The following NLGN1 variants were observed in gnomAD, a reference collection of about 807,000 sequenced individuals.
NLGN1 encodes the protein neuroligin 1, also known as neuroligin-1.
NLGN1 carries 12 observed loss-of-function variants against 65.5 expected under a neutral mutation model. The ratio of observed to expected loss-of-function variants is 0.18; its 90% confidence interval spans 0.12 to 0.30. NLGN1 has a LOEUF of 0.30. NLGN1 is among the 10% of genes least tolerant of loss of function. The pLI is 1.00. For synonymous variants in NLGN1, 350 were observed against 359.5 expected (o/e 0.97, Z 0.30); for missense variants, 750 against 1,007.1 (o/e 0.74, Z 3.46).
At chr3:174,105,725 A>ATCTATATGTAGATATAGATATCTC (rs1370166682) in intron 4 of NLGN1, among the ~76,000 whole-genome samples, 1 of 152,036 alleles carries the variant, frequency 6.6e-6, no homozygotes, top group African/African-American at 2.4e-5. Context: ...AGATATATAT[A>ATCTATATGTAGATATAGATATCTC]TATCTTACTC....
intron 2 of NLGN1, among the ~76,000 whole-genome samples, chr3:173,511,479 T>C (rs768346035): frequency 1.3e-5 from 2 of 152,222 alleles, no homozygotes; most frequent in African/African-American, 2.4e-5. Flanking sequence ...TTTTATCCTG[T>C]TGGGTGTTCC....
chr3:173,669,223 G>T (rs937813553), intron 3 of NLGN1, among the ~76,000 whole-genome samples: 2 of 152,112 alleles, frequency 1.3e-5, no homozygotes, highest in Non-Finnish European at 2.9e-5. Context: ...ACATTTATTG[G>T]GTGTGTAGAG....
At chr3:173,789,165 C>T (rs1712035626) in intron 3 of NLGN1, among the ~76,000 whole-genome samples, 2 of 150,796 alleles carry the variant, frequency 1.3e-5, no homozygotes, top group African/African-American at 2.4e-5. Context: ...CGCCACTGCA[C>T]TCTAGCCTGG....
chr3:174,034,191 A>G (rs553769337), intron 4 of NLGN1, among the ~76,000 whole-genome samples: 10 of 152,274 alleles, frequency 6.6e-5, no homozygotes, highest in African/African-American at 1.4e-4. Context: ...GAAAAACCTC[A>G]TAAATCTGAA....
At chr3:173,723,585 T>C (rs1170945439) in intron 3 of NLGN1, among the ~76,000 whole-genome samples, 1 of 152,162 alleles carries the variant, frequency 6.6e-6, no homozygotes, top group East Asian at 1.9e-4. Context: ...AGTTTGTTCA[T>C]ATACAAGCAA....
At chr3:174,235,048 CA>C (rs1741461824) in intron 4 of NLGN1, among the ~76,000 whole-genome samples, 1 of 91,588 alleles carries the variant, frequency 1.1e-5, no homozygotes, top group Admixed American at 1.4e-4. Context: ...TAGTGACAGC[CA>C]GTTTTTTTTA....
chr3:173,411,470 C>A (rs139301118), intron 1 of NLGN1, among the ~76,000 whole-genome samples: 29 of 152,116 alleles, frequency 1.9e-4, no homozygotes, highest in African/African-American at 5.8e-4. Context: ...CTATGTAGGC[C>A]CCAGGTCAAG....
At chr3:173,995,827 C>G (rs1445643018) in intron 4 of NLGN1, among the ~76,000 whole-genome samples, 1 of 151,718 alleles carries the variant, frequency 6.6e-6, no homozygotes, top group African/African-American at 2.4e-5. Context: ...TCTGGGACTC[C>G]CGGTGCACAT....
At chr3:174,258,116 A>G (rs1196928786) in intron 4 of NLGN1, among the ~76,000 whole-genome samples, 1 of 152,028 alleles carries the variant, frequency 6.6e-6, no homozygotes, top group African/African-American at 2.4e-5. Context: ...GTTTCTTGTA[A>G]AATTGCTGTA....
intron 3 of NLGN1, among the ~76,000 whole-genome samples, chr3:173,734,722 C>G (rs1773464718): frequency 1.3e-5 from 2 of 152,016 alleles, no homozygotes; most frequent in African/African-American, 4.8e-5. Context: ...TCACTAGTAA[C>G]AAGCAATCTG....
rs558119939 is a variant in NLGN1 at position 173,802,901 on chromosome 3, G to T, written c.494-4779G>T. 3.3e-5 allele frequency among the ~76,000 whole-genome samples: 5 copies of T among 151,268 alleles called. 1 individual carries two copies. The South Asian group carries it at 1.0e-3, about 32-fold the overall frequency. On this transcript the variant is annotated intron_variant, in intron 3 of 6. Coordinates refer to ENST00000457714, the Ensembl canonical transcript of NLGN1. ...GTCATGGAGACTGGAGGGCAGTGGC[G>T]TGATCTTGGCTCACTGCAACCTCCG...
chr3:173,426,926 G>A (rs2148721065), intron 1 of NLGN1, among the ~76,000 whole-genome samples: 1 of 152,070 alleles, frequency 6.6e-6, no homozygotes, highest in Non-Finnish European at 1.5e-5. Context: ...TAAAAGTTTG[G>A]TAAAACTTAG....
chr3:173,958,878 G>T (rs961522653), intron 4 of NLGN1, among the ~76,000 whole-genome samples: 1 of 152,216 alleles, frequency 6.6e-6, no homozygotes, highest in African/African-American at 2.4e-5. Flanking sequence ...TCTGGAGGGG[G>T]CCTAGGCAGC....
intron 2 of NLGN1, among the ~76,000 whole-genome samples, chr3:173,458,955 G>A (rs772597992): frequency 2.6e-5 from 4 of 151,982 alleles, no homozygotes; most frequent in Non-Finnish European, 5.9e-5. Flanking sequence ...ACTAGCAGAC[G>A]CCACTAGAGT....
intron 3 of NLGN1, among the ~76,000 whole-genome samples, chr3:173,688,494 C>T (rs1278430122): frequency 2.6e-5 from 4 of 152,060 alleles, no homozygotes; most frequent in Non-Finnish European, 5.9e-5. Context: ...AAAGGTCATT[C>T]ACATTTTCTT....
intron 4 of NLGN1, among the ~76,000 whole-genome samples, chr3:174,086,297 T>TTATGTATGTGCATAAATATATATATATA (rs1160505453): frequency 2.7e-5 from 4 of 147,722 alleles, no homozygotes; most frequent in East Asian, 3.9e-4. Context: ...ATATATATAT[T>TTATGTATGTGCATAAATATATATATATA]TATGTATGTG....
intron 2 of NLGN1, among the ~76,000 whole-genome samples, chr3:173,478,511 TAACA>T (rs1405714467): frequency 1.3e-5 from 2 of 152,186 alleles, no homozygotes; most frequent in Non-Finnish European, 2.9e-5. Context: ...TTTACCTATG[TAACA>T]AACCTGTACA....
intron 1 of NLGN1, among the ~76,000 whole-genome samples, chr3:173,398,693 A>G (rs776366232): frequency 2.0e-5 from 3 of 152,240 alleles, no homozygotes; most frequent in Non-Finnish European, 4.4e-5. Context: ...TTCCAGGGCC[A>G]TAGTGATACA....
At chr3:173,924,466 A>T (rs1369213672) in intron 4 of NLGN1, among the ~76,000 whole-genome samples, 1 of 151,982 alleles carries the variant, frequency 6.6e-6, no homozygotes, top group Non-Finnish European at 1.5e-5. Context: ...TAGGTCTTAA[A>T]TTGATGTGGC....
Sources: allele counts gnomAD v4.1 joint callset (sites outside exome capture counted in the v4.1 genomes callset), GRCh38; gene constraint gnomAD v4.1.1; transcripts MANE v1.5; gene names NCBI Gene and HGNC (gene_info 2026-07-23, HGNC 2026-07-21).